Variants in ENTREP2 observed in about 807,000 individuals in gnomAD.
ENTREP2 encodes protein ENTREP2.
At chr15:29,193,998 T>G in the ENTREP2 span, among the ~76,000 whole-genome samples, 1 of 152,114 alleles carries the variant, frequency 6.6e-6, no homozygotes, top group East Asian at 1.9e-4. Flanking sequence ...AAGTATGACT[T>G]AAATAAATGA....
chr15:29,326,261 T>C, the ENTREP2 span, among the ~76,000 whole-genome samples: 1 of 152,130 alleles, frequency 6.6e-6, no homozygotes, highest in African/African-American at 2.4e-5. Context: ...AAAAGGTACA[T>C]AGATTGAAAA....
the ENTREP2 span, among the ~76,000 whole-genome samples, chr15:29,648,648 T>C: frequency 6.6e-6 from 1 of 152,158 alleles, no homozygotes; most frequent in Non-Finnish European, 1.5e-5. Flanking sequence ...TACATAAAAC[T>C]GTATTAGGGC....
At chr15:29,208,788 A>G in the ENTREP2 span, among the ~76,000 whole-genome samples, 1 of 152,190 alleles carries the variant, frequency 6.6e-6, no homozygotes, top group African/African-American at 2.4e-5. Context: ...GTGTATCCAC[A>G]ATAGCCTCAC....
chr15:29,150,362 T>C, the ENTREP2 span, among the ~76,000 whole-genome samples: 2 of 152,248 alleles, frequency 1.3e-5, no homozygotes, highest in African/African-American at 2.4e-5. Flanking sequence ...TTTATTCTTA[T>C]TTAGTTGGCA....
chr15:29,578,037 T>C, the ENTREP2 span, among the ~76,000 whole-genome samples: 27 of 152,272 alleles, frequency 1.8e-4, no homozygotes, highest in Admixed American at 1.7e-3. Flanking sequence ...GGGAATGTGC[T>C]TAATGCCACA....
At chr15:29,415,633 T>C in the ENTREP2 span, among the ~76,000 whole-genome samples, 1 of 152,140 alleles carries the variant, frequency 6.6e-6, no homozygotes, top group East Asian at 1.9e-4. Flanking sequence ...CAACATAGTG[T>C]TGGAAGTTCT....
chr15:29,664,172 G>A, the ENTREP2 span, among the ~76,000 whole-genome samples: 1 of 152,184 alleles, frequency 6.6e-6, no homozygotes, highest in South Asian at 2.1e-4. Flanking sequence ...TCTCAATGCT[G>A]TGAGCTTTTA....
the ENTREP2 span, among the ~76,000 whole-genome samples, chr15:29,481,318 C>T: frequency 1.3e-5 from 2 of 152,026 alleles, no homozygotes; most frequent in African/African-American, 4.8e-5. Flanking sequence ...GGCCTGAGAC[C>T]CTGCATTTCT....
chr15:29,450,285 G>A, the ENTREP2 span, among the ~76,000 whole-genome samples: 1 of 152,146 alleles, frequency 6.6e-6, no homozygotes. Flanking sequence ...TGGTGGTGTT[G>A]TCATGAAATC....
At chr15:29,486,600 G>A in the ENTREP2 span, among the ~76,000 whole-genome samples, 1 of 152,302 alleles carries the variant, frequency 6.6e-6, no homozygotes, top group East Asian at 1.9e-4. Context: ...AGAGGCAAGA[G>A]AATCGCTTGG....
At chr15:29,285,890 A>G in the ENTREP2 span, among the ~76,000 whole-genome samples, 1 of 152,214 alleles carries the variant, frequency 6.6e-6, no homozygotes, top group Non-Finnish European at 1.5e-5. Context: ...TTGGTTCAAC[A>G]TTCAAAAACC....
At chr15:29,246,361 CAGCCTA>C in the ENTREP2 span, among the ~76,000 whole-genome samples, 1 of 144,744 alleles carries the variant, frequency 6.9e-6, no homozygotes, top group African/African-American at 2.6e-5. Flanking sequence ...CACTGCACTC[CAGCCTA>C]AGCAACAGAG....
At chr15:29,227,482 T>C in the ENTREP2 span, among the ~76,000 whole-genome samples, 3 of 152,104 alleles carry the variant, frequency 2.0e-5, no homozygotes, top group South Asian at 6.2e-4. Context: ...GGGTCTGCGA[T>C]GTCACCCTCA....
At chr15:29,357,546 G>GATC in the ENTREP2 span, among the ~76,000 whole-genome samples, 3 of 152,000 alleles carry the variant, frequency 2.0e-5, no homozygotes, top group African/African-American at 7.2e-5. Context: ...ACATAAAACT[G>GATC]GTTGATCTCA....
the ENTREP2 span, among the ~76,000 whole-genome samples, chr15:29,353,737 T>G: frequency 1.3e-5 from 2 of 152,100 alleles, no homozygotes; most frequent in African/African-American, 4.8e-5. Context: ...TTTTCCCCCA[T>G]GAAATAAATG....
chr15:29,189,082 C>T, the ENTREP2 span, among the ~76,000 whole-genome samples: 33 of 152,182 alleles, frequency 2.2e-4, no homozygotes, highest in Non-Finnish European at 3.4e-4. Context: ...AAAGCCTTTC[C>T]GTGGGTTCTG....
At chr15:29,576,618 T>C in the ENTREP2 span, among the ~76,000 whole-genome samples, 1 of 152,190 alleles carries the variant, frequency 6.6e-6, no homozygotes, top group South Asian at 2.1e-4. Flanking sequence ...TGGATAGAAC[T>C]ACTCAAAACA....
At chr15:29,288,194 C>T in the ENTREP2 span, among the ~76,000 whole-genome samples, 2 of 152,182 alleles carry the variant, frequency 1.3e-5, no homozygotes, top group African/African-American at 4.8e-5. Flanking sequence ...AATCAAGACA[C>T]CAAAAAGACC....
chr15:29,589,761 G>T, the ENTREP2 span, among the ~76,000 whole-genome samples: 1 of 152,184 alleles, frequency 6.6e-6, no homozygotes, highest in Non-Finnish European at 1.5e-5. Context: ...CAGACAGTAG[G>T]AAAAACAGTA....
Sources: allele counts gnomAD v4.1 joint callset (sites outside exome capture counted in the v4.1 genomes callset), GRCh38; gene constraint gnomAD v4.1.1; transcripts MANE v1.5; gene names NCBI Gene and HGNC (gene_info 2026-07-23, HGNC 2026-07-21).